RIPOR2: variants seen among roughly 807,000 people sequenced by gnomAD.
RIPOR2 encodes rho family-interacting cell polarization regulator 2.
A neutral mutation model predicts 114.5 loss-of-function variants in RIPOR2; 39 were observed. The ratio of observed to expected loss-of-function variants is 0.34; its 90% confidence interval spans 0.26 to 0.44. The LOEUF (loss-of-function observed/expected upper bound fraction) is 0.44, where lower values mean the gene tolerates loss of function less well. RIPOR2 is among the 20% of genes least tolerant of loss of function. The probability of loss-of-function intolerance (pLI) is 1.00; values close to 1 mark genes in which losing one functional copy is unlikely to be tolerated. For synonymous variants in RIPOR2, 445 were observed against 484.4 expected (o/e 0.92, Z 1.07); for missense variants, 1,007 against 1,255.1 (o/e 0.80, Z 2.99).
chr6:24,922,506 G>A (rs1164922505), intron 1 of RIPOR2, among the ~76,000 whole-genome samples: 1 of 151,030 alleles, frequency 6.6e-6, no homozygotes, highest in Non-Finnish European at 1.5e-5. Flanking sequence ...AGACCCTCAG[G>A]AATTGCCTGG....
chr6:24,902,240 G>A (rs1011735758), intron 1 of RIPOR2, among the ~76,000 whole-genome samples: 2 of 150,100 alleles, frequency 1.3e-5, no homozygotes, highest in African/African-American at 4.9e-5. Context: ...TTGAGACAGA[G>A]TTTCAACCTT....
intron 1 of RIPOR2, among the ~76,000 whole-genome samples, chr6:24,880,138 C>A (rs549647361): frequency 1.3e-5 from 2 of 152,276 alleles, no homozygotes; most frequent in South Asian, 4.1e-4. Context: ...TTTGATAGCT[C>A]CTCTAGGGAA....
chr6:24,839,771 A>T, intron 13 of RIPOR2: 1 of 1,402,068 alleles, frequency 7.1e-7, no homozygotes, highest in Non-Finnish European at 9.2e-7. Flanking sequence ...GTCAATGCTG[A>T]ATACTGACCA....
intron 1 of RIPOR2, chr6:24,977,009 C>G: frequency 1.3e-6 from 2 of 1,491,036 alleles, no homozygotes; most frequent in Middle Eastern, 2.2e-4. Context: ...TCTTAACCAC[C>G]AGATCATTCC....
At chr6:24,857,991 C>T (rs146895211) in intron 8 of RIPOR2, among the ~76,000 whole-genome samples, 273 of 152,336 alleles carry the variant, frequency 1.8e-3, no homozygotes, top group African/African-American at 5.9e-3. Context: ...AGGCTTTCCT[C>T]TGTTTGGTGA....
chr6:25,006,713 C>T (rs77435994), intron 1 of RIPOR2, among the ~76,000 whole-genome samples: 5,937 of 152,168 alleles, frequency 0.039, 138 homozygotes, highest in Middle Eastern at 0.088. Flanking sequence ...ACCAGAGCCA[C>T]GAGAGTTCTG....
At chr6:24,863,428 A>G (rs1016437998) in intron 7 of RIPOR2, among the ~76,000 whole-genome samples, 5 of 152,202 alleles carry the variant, frequency 3.3e-5, no homozygotes, top group Non-Finnish European at 7.3e-5. Context: ...TGACCTGCAA[A>G]TATGCCAACA....
Position 25,024,469 on chromosome 6 carries a change from A to C in RIPOR2, c.76+17382T>G, listed in dbSNP as rs1014442114. The C allele has an allele frequency of 3.5e-6, 3 of 863,776 alleles. No individual in the cohort carries two copies. The African/African-American group carries it at 5.0e-5, about 14-fold the overall frequency. 53.5% of individuals were successfully genotyped at this position (863,776 alleles called of 1,614,324 possible). ...CCACCATAGGCCAGAACTCTCATGG[A>C]GCCTTTGCTGGACATAGTGTCTGGG... On this transcript the variant is annotated intron_variant, in intron 1 of 13. Coordinates refer to the RIPOR2 transcript ENST00000510784.
intron 1 of RIPOR2, among the ~76,000 whole-genome samples, chr6:24,913,640 T>C (rs1284771201): frequency 6.6e-6 from 1 of 152,176 alleles, no homozygotes; most frequent in Non-Finnish European, 1.5e-5. Context: ...CTCCTAGAGC[T>C]TAGTCTAAAG....
intron 1 of RIPOR2, among the ~76,000 whole-genome samples, chr6:24,885,805 A>T (rs113914946): frequency 4.0e-4 from 61 of 152,334 alleles, no homozygotes; most frequent in African/African-American, 1.4e-3. Context: ...TAATTTAAAT[A>T]ATAAGGAATT....
chr6:25,034,748 T>TA (rs1334161436), intron 1 of RIPOR2, among the ~76,000 whole-genome samples: 1 of 152,222 alleles, frequency 6.6e-6, no homozygotes, highest in East Asian at 1.9e-4. Flanking sequence ...TCCTTTCCTT[T>TA]TCCCTCCACA....
rs765757206 is a variant in RIPOR2, at chr6:24,852,576, T to G, written c.758A>C (p.Glu253Ala). 6.2e-7 allele frequency: 1 copy of G among 1,609,632 alleles called. No individual in the cohort carries two copies. Among genetic ancestry groups the G allele is most frequent in the South Asian group, 1.1e-5 (1 of 90,446 alleles). Residue 253 changes from glutamate to alanine, a missense_variant and splice_region_variant, in exon 9 of 22, where the codon GAA becomes GCA. By Grantham distance (107) the Glu-to-Ala change is moderately radical. Transcript: ENST00000643898. ...FARLCPGDQY[E>A]IFMKYGRQRW... ...CACCTAGACCAAGACAATACTTACT[T>G]CATATTGATCTCCAGGACAGAGGCG... is the stretch of plus-strand genomic sequence containing the variant.
intron 12 of RIPOR2, among the ~76,000 whole-genome samples, chr6:24,844,235 T>A (rs966736225): frequency 3.3e-5 from 5 of 152,174 alleles, no homozygotes; most frequent in African/African-American, 1.2e-4. Context: ...CACCAAGTCA[T>A]CTGTCAAGCA....
chr6:24,818,257 C>T (rs760118719), intron 20 of RIPOR2, among the ~76,000 whole-genome samples: 4 of 152,064 alleles, frequency 2.6e-5, no homozygotes, highest in Admixed American at 2.6e-4. Flanking sequence ...GCCACTGTGC[C>T]GGCTAATAAG....
intron 1 of RIPOR2, among the ~76,000 whole-genome samples, chr6:24,968,130 T>A (rs892104413): frequency 6.6e-6 from 1 of 151,966 alleles, no homozygotes; most frequent in Admixed American, 6.6e-5. Flanking sequence ...GGTCTCAAAC[T>A]CCTGACCTCA....
intron 8 of RIPOR2, among the ~76,000 whole-genome samples, chr6:24,854,871 T>C (rs2113799898): frequency 6.6e-6 from 1 of 151,686 alleles, no homozygotes; most frequent in African/African-American, 2.4e-5. Context: ...CTACTAAAAA[T>C]ACAAAATTAG....
chr6:24,939,580 T>G (rs745878164), upstream of RIPOR2, among the ~76,000 whole-genome samples: 4 of 152,206 alleles, frequency 2.6e-5, no homozygotes, highest in Non-Finnish European at 4.4e-5. Context: ...AATTAGCATA[T>G]TTTGGGGGAC....
At chr6:25,008,523 T>C (rs528966381) in intron 1 of RIPOR2, among the ~76,000 whole-genome samples, 66 of 152,338 alleles carry the variant, frequency 4.3e-4, no homozygotes, top group Middle Eastern at 3.4e-3. Flanking sequence ...GAATGCAGCC[T>C]TTGAGTTAAG....
rs184685198 is a variant in RIPOR2 at position 25,009,258 on chromosome 6, A to G, written c.76+32593T>C. On this transcript the variant is annotated intron_variant, in intron 1 of 13. Coordinates refer to the RIPOR2 transcript ENST00000510784. ...CTTCTGTAAGCAGGTCAGACAGAATACAGTGTTCTTTATCCCTTGCTTCTC... is the reference window on the plus strand; with the variant it reads ...CTTCTGTAAGCAGGTCAGACAGAATGCAGTGTTCTTTATCCCTTGCTTCTC... Among the ~76,000 whole-genome samples, 7 of 152,310 alleles carry G rather than the reference A, an allele frequency of 4.6e-5. No homozygotes were observed. The South Asian group carries it at 8.3e-4, about 18-fold the overall frequency.
Sources: allele counts gnomAD v4.1 joint callset (sites outside exome capture counted in the v4.1 genomes callset), GRCh38; gene constraint gnomAD v4.1.1; transcripts MANE v1.5; gene names NCBI Gene and HGNC (gene_info 2026-07-23, HGNC 2026-07-21).